Variants in RPS24 observed in about 807,000 individuals in gnomAD.
The protein encoded by RPS24 is small ribosomal subunit protein eS24.
For missense variants in RPS24, 100 were observed against 162.5 expected (o/e 0.62, Z 2.09); for synonymous variants, 72 against 55.6 (o/e 1.30, Z -1.31).
At chr10:78,034,911 G>A (rs956910711) in intron 1 of RPS24, among the ~76,000 whole-genome samples, 1 of 152,184 alleles carries the variant, frequency 6.6e-6, no homozygotes, top group Non-Finnish European at 1.5e-5. Flanking sequence ...TCTCCTAAGG[G>A]AACAGTTGGC....
At chr10:78,049,189 C>T (rs72642279) in intron 4 of RPS24, 6,882 of 152,268 alleles carry the variant, frequency 0.045, 335 homozygotes, top group East Asian at 0.23. Flanking sequence ...GCAAGTGAGC[C>T]GTTTGCTACT....
intron 4 of RPS24, chr10:78,037,829 G>T: frequency 1.8e-6 from 1 of 555,802 alleles, no homozygotes; most frequent in Non-Finnish European, 2.7e-6. Context: ...GTAAATAGTT[G>T]GACATTGTAA....
chr10:78,053,746 G>A (rs556803109), intron 4 of RPS24, among the ~76,000 whole-genome samples: 11 of 152,264 alleles, frequency 7.2e-5, no homozygotes, highest in Admixed American at 2.6e-4. Context: ...CTCACCGGAT[G>A]AAGGGGTGTC....
chr10:78,045,884 C>G (rs542746957), intron 4 of RPS24, among the ~76,000 whole-genome samples: 10 of 152,068 alleles, frequency 6.6e-5, no homozygotes, highest in Middle Eastern at 3.4e-3. Context: ...TGCCTGTAAT[C>G]TCAATTACTC....
In RPS24 at chr10:78,033,894, T is replaced by C; in HGVS notation, c.-8T>C. The C allele has an allele frequency of 6.2e-7, 1 of 1,614,106 alleles. No homozygotes were observed. The highest frequency in any genetic ancestry group is 8.5e-7 in the Non-Finnish European group (1 of 1,179,994). On this transcript the variant is annotated 5_prime_UTR_variant, in exon 1 of 6. Coordinates refer to ENST00000372360, the MANE Select transcript of RPS24 (RefSeq NM_033022.4). ...TCCTCCTTGGCTGTCTGAAGATAGATCGCCATCATGGTGAGTCTCCCTGGG... is the reference window on the plus strand; with the variant it reads ...TCCTCCTTGGCTGTCTGAAGATAGACCGCCATCATGGTGAGTCTCCCTGGG...
At chr10:78,037,942 T>G in intron 4 of RPS24, 1 of 1,163,426 alleles carries the variant, frequency 8.6e-7, no homozygotes, top group South Asian at 1.3e-5. Context: ...CCTCTCTACT[T>G]TCTTGGATTT....
At chr10:78,044,963 A>G (rs1471767789), downstream of RPS24, among the ~76,000 whole-genome samples, 1 of 151,842 alleles carries the variant, frequency 6.6e-6, no homozygotes, top group Non-Finnish European at 1.5e-5. Flanking sequence ...GTAGAAGGTT[A>G]TGGGTCGATG....
intron 4 of RPS24, chr10:78,039,598 A>G (rs1405670926): frequency 6.5e-6 from 1 of 153,490 alleles, no homozygotes. Flanking sequence ...ATGGAGTTAT[A>G]TACTAAGTTA....
intron 4 of RPS24, among the ~76,000 whole-genome samples, chr10:78,048,042 TC>T (rs1848063333): frequency 6.6e-6 from 1 of 152,150 alleles, no homozygotes; most frequent in African/African-American, 2.4e-5. Context: ...AACATCTCTT[TC>T]CACTATAAAA....
chr10:78,037,884 A>G, intron 4 of RPS24: 1 of 992,938 alleles, frequency 1.0e-6, no homozygotes, highest in Non-Finnish European at 1.4e-6. Flanking sequence ...ATTAACAAAT[A>G]ATCAAGTGTT....
At chr10:78,040,346 G>T in intron 5 of RPS24, 121 bp downstream of exon 5, 2 of 899,642 alleles carry the variant, frequency 2.2e-6, no homozygotes, top group Non-Finnish European at 1.8e-6. Flanking sequence ...ATATTCTGAA[G>T]AGTTGTAACC....
At chr10:78,045,067 C>T (rs1211416187), downstream of RPS24, among the ~76,000 whole-genome samples, 1 of 152,156 alleles carries the variant, frequency 6.6e-6, no homozygotes, top group East Asian at 1.9e-4. Flanking sequence ...CAGCTCACTG[C>T]AACCTCCGCC....
intron 1 of RPS24, among the ~76,000 whole-genome samples, chr10:78,034,612 A>G (rs996313647): frequency 8.5e-5 from 13 of 152,230 alleles, no homozygotes; most frequent in African/African-American, 3.1e-4. Flanking sequence ...TGCTGCCATG[A>G]AAGTCTCTTG....
intron 4 of RPS24, among the ~76,000 whole-genome samples, chr10:78,054,175 A>G (rs1190802213): frequency 6.6e-6 from 1 of 152,020 alleles, no homozygotes; most frequent in Non-Finnish European, 1.5e-5. Context: ...GCTGGGGACT[A>G]GTGCAGGGAA....
chr10:78,040,376 A>T, intron 5 of RPS24, 151 bp downstream of exon 5: 1 of 769,050 alleles, frequency 1.3e-6, no homozygotes, highest in Non-Finnish European at 2.2e-6. Context: ...ACTAACAGTG[A>T]CATGGTTTTG....
chr10:78,037,142 G>C, intron 3 of RPS24, 52 bp from the exon 4 acceptor site: 1 of 1,561,524 alleles, frequency 6.4e-7, no homozygotes, highest in Non-Finnish European at 8.7e-7. Flanking sequence ...AGAGTGGTGG[G>C]TAATGATTTT....
chr10:78,049,290 C>T (rs1342274414), intron 4 of RPS24: 1 of 152,152 alleles, frequency 6.6e-6, no homozygotes, highest in Non-Finnish European at 1.5e-5. Context: ...TGCCCTGTGT[C>T]GTCTCACAGA....
downstream of RPS24, among the ~76,000 whole-genome samples, chr10:78,041,076 G>A (rs1032223838): frequency 2.0e-5 from 3 of 152,032 alleles, no homozygotes; most frequent in African/African-American, 7.3e-5. Flanking sequence ...TCGGGCTCAA[G>A]CGATCCTCCT....
intron 4 of RPS24, among the ~76,000 whole-genome samples, chr10:78,048,053 A>T (rs2131991334): frequency 6.6e-6 from 1 of 152,236 alleles, no homozygotes; most frequent in South Asian, 2.1e-4. Flanking sequence ...CCACTATAAA[A>T]TTCTGCCCTG....
Sources: allele counts gnomAD v4.1 joint callset (sites outside exome capture counted in the v4.1 genomes callset), GRCh38; gene constraint gnomAD v4.1.1; transcripts MANE v1.5; gene names NCBI Gene and HGNC (gene_info 2026-07-23, HGNC 2026-07-21).